Variants in UNC13C observed in about 807,000 individuals in gnomAD.
UNC13C encodes the protein unc-13 homolog C.
A neutral mutation model predicts 245.4 loss-of-function variants in UNC13C; 174 were observed. The ratio of observed to expected loss-of-function variants is 0.71; its 90% CI spans 0.63 to 0.80. The LOEUF is 0.80. UNC13C is among the 30% of genes least tolerant of loss of function. UNC13C has a pLI of 0.00. For missense variants in UNC13C, 2,829 were observed against 2,602.9 expected, an observed-to-expected ratio of 1.09 and a Z score of -1.89; for synonymous variants, 992 against 895.1, an observed-to-expected ratio of 1.11 and a Z score of -1.93.
Position 54,013,785 on chromosome 15 carries a change from G to A in UNC13C, c.882G>A (p.Gly294=), listed in dbSNP as rs755633783. The A allele has an allele frequency of 6.2e-7, 1 of 1,611,502 alleles. No homozygotes were observed. Among genetic ancestry groups the A allele is most frequent in the Middle Eastern group, 1.7e-4 (1 of 6,026 alleles). Reference sequence around the variant, plus strand: ...GTGAAATTGAGCAGTTGCGCACAGGGTTTGTCCAGTCTCGGAGGGAAACTA... The same window carrying A: ...GTGAAATTGAGCAGTTGCGCACAGGATTTGTCCAGTCTCGGAGGGAAACTA... ...VQSEIEQLRT[G]FVQSRRETRD... The change falls in exon 2 of 33, where the codon GGG becomes GGA. Residue 294 remains glycine, a synonymous_variant. Coordinates refer to ENST00000260323, the MANE Select transcript of UNC13C (RefSeq NM_001080534.3).
chr15:54,448,943 T>C (rs1465200690), intron 19 of UNC13C, among the ~76,000 whole-genome samples: 1 of 152,210 alleles, frequency 6.6e-6, no homozygotes, highest in East Asian at 1.9e-4. Flanking sequence ...TAGTGCTTCC[T>C]TCAGGAGCTC....
intron 14 of UNC13C, 101 bp from the exon 15 acceptor site, chr15:54,331,942 T>C (rs1309864163): frequency 2.9e-6 from 2 of 700,298 alleles, no homozygotes; most frequent in Non-Finnish European, 2.2e-6. Flanking sequence ...ATATATTTGA[T>C]CCTTCCTTTC....
chr15:54,507,317 C>T, intron 23 of UNC13C, 123 bp downstream of exon 23: 1 of 656,936 alleles, frequency 1.5e-6, no homozygotes, highest in Non-Finnish European at 2.5e-6. Flanking sequence ...AAATAAGGAT[C>T]TTAAGAAGCT....
At chr15:54,244,476 A>G (rs929912405) in intron 7 of UNC13C, among the ~76,000 whole-genome samples, 2 of 152,140 alleles carry the variant, frequency 1.3e-5, no homozygotes, top group African/African-American at 4.8e-5. Flanking sequence ...TTCCATACAA[A>G]TTTTTAAAAA....
chr15:54,429,830 G>A (rs1263247416), intron 19 of UNC13C, among the ~76,000 whole-genome samples: 1 of 151,400 alleles, frequency 6.6e-6, no homozygotes, highest in Non-Finnish European at 1.5e-5. Context: ...AATCACTCTG[G>A]GAGTAAGTAA....
At chr15:54,481,430 G>A (rs1893108637) in intron 19 of UNC13C, among the ~76,000 whole-genome samples, 1 of 152,164 alleles carries the variant, frequency 6.6e-6, no homozygotes, top group Non-Finnish European at 1.5e-5. Context: ...TGGATGACAT[G>A]CACATGCTAC....
chr15:54,458,151 T>C (rs1242762377), intron 19 of UNC13C, among the ~76,000 whole-genome samples: 1 of 152,104 alleles, frequency 6.6e-6, no homozygotes, highest in African/African-American at 2.4e-5. Flanking sequence ...GATCCAAATA[T>C]CATTCGGGGC....
At chr15:54,462,610 G>A (rs62010142) in intron 19 of UNC13C, among the ~76,000 whole-genome samples, 22,652 of 152,288 alleles carry the variant, frequency 0.15, 2,141 homozygotes, top group South Asian at 0.2. Context: ...CAGCAGCTGC[G>A]GAGGGGGCGC....
intron 29 of UNC13C, among the ~76,000 whole-genome samples, chr15:54,558,765 A>G (rs146062489): frequency 6.6e-6 from 1 of 152,102 alleles, no homozygotes; most frequent in Non-Finnish European, 1.5e-5. Flanking sequence ...AAAGCAACCA[A>G]ATCAACAATG....
the UNC13C span, among the ~76,000 whole-genome samples, chr15:53,870,031 T>C: frequency 6.6e-6 from 1 of 152,222 alleles, no homozygotes; most frequent in African/African-American, 2.4e-5. Flanking sequence ...CAAGAAGATT[T>C]GTGTCTATAT....
At chr15:53,983,826 A>G (rs1264933167) in intron 1 of UNC13C, among the ~76,000 whole-genome samples, 1 of 151,880 alleles carries the variant, frequency 6.6e-6, no homozygotes, top group Non-Finnish European at 1.5e-5. Context: ...TCTCTCAAGC[A>G]GCTCCTCTTC....
chr15:54,253,767 G>A (rs896000200), intron 8 of UNC13C, among the ~76,000 whole-genome samples: 2 of 152,210 alleles, frequency 1.3e-5, no homozygotes, highest in Non-Finnish European at 2.9e-5. Flanking sequence ...TGTGTGCAGA[G>A]TGAGTCATAT....
chr15:54,335,901 A>T (rs2038562055), intron 16 of UNC13C, among the ~76,000 whole-genome samples: 2 of 152,048 alleles, frequency 1.3e-5, no homozygotes, highest in African/African-American at 4.8e-5. Context: ...TGAGAGTCCC[A>T]ATTGTTCTGC....
Position 54,613,397 on chromosome 15 carries a change from A to C in UNC13C, c.6107-8930A>C, listed in dbSNP as rs146809795. The stretch of plus-strand genomic sequence containing the variant: ...TAATAGGAGAATGCATGAATCATAA[A>C]ATATTCATGAATGGTATACTATACA... On this transcript the variant is annotated intron_variant, in intron 30 of 32. Coordinates refer to ENST00000260323, the MANE Select transcript of UNC13C (RefSeq NM_001080534.3). Among the ~76,000 whole-genome samples the C allele has an allele frequency of 2.5e-3, 375 of 152,056 alleles. 5 individuals carry two copies. The highest frequency in any genetic ancestry group is 8.8e-3 in the African/African-American group (364 of 41,554).
the UNC13C span, among the ~76,000 whole-genome samples, chr15:53,843,960 G>A: frequency 6.6e-6 from 1 of 152,158 alleles, no homozygotes; most frequent in Admixed American, 6.6e-5. Context: ...GAAATCAGAC[G>A]GAGTTTAAAA....
At chr15:53,885,549 T>C in the UNC13C span, among the ~76,000 whole-genome samples, 2 of 152,188 alleles carry the variant, frequency 1.3e-5, no homozygotes, top group African/African-American at 4.8e-5. Flanking sequence ...TGTCTGTTCT[T>C]CATAAAACCT....
At chr15:53,879,698 C>A in the UNC13C span, among the ~76,000 whole-genome samples, 1 of 152,080 alleles carries the variant, frequency 6.6e-6, no homozygotes, top group Non-Finnish European at 1.5e-5. Context: ...AAGCAATTCT[C>A]TGCCTCAGCC....
At chr15:53,976,988 G>A (rs1893729391), upstream of UNC13C, 1 of 152,190 alleles carries the variant, frequency 6.6e-6, no homozygotes, top group South Asian at 2.1e-4. Flanking sequence ...CGGTTTTCCT[G>A]TGCTACTCTC....
intron 2 of UNC13C, among the ~76,000 whole-genome samples, chr15:54,085,542 A>G (rs935912515): frequency 4.6e-5 from 7 of 152,208 alleles, no homozygotes; most frequent in South Asian, 4.1e-4. Flanking sequence ...ACAAATAAAT[A>G]TCTTCTCTTG....
Sources: allele counts gnomAD v4.1 joint callset (sites outside exome capture counted in the v4.1 genomes callset), GRCh38; gene constraint gnomAD v4.1.1; transcripts MANE v1.5; gene names NCBI Gene and HGNC (gene_info 2026-07-23, HGNC 2026-07-21).